RGS3: variants seen among roughly 807,000 people sequenced by gnomAD.
RGS3 encodes regulator of G protein signaling 3.
RGS3 carries 80 observed loss-of-function variants against 132.6 expected under a neutral mutation model. The observed-to-expected ratio is 0.60, with a 90% CI of 0.50 to 0.73. The LOEUF (loss-of-function observed/expected upper bound fraction) is 0.73. Ranked by LOEUF, RGS3 falls within the 30% of genes least tolerant of loss-of-function variation. The pLI is 0.00. For missense variants in RGS3, 1,382 were observed against 1,530.8 expected (o/e 0.90, Z 1.62); for synonymous variants, 598 against 620.6 (o/e 0.96, Z 0.54).
Position 113,579,332 on chromosome 9 carries a change from A to G in RGS3, c.2038-4118A>G, listed in dbSNP as rs937644773. ...GTGAACTCTGGGTGTCATAGCTGCC[A>G]TCCCTCCTTAGCCTATTCTGAGCTC... is the stretch of plus-strand genomic sequence containing the variant. On this transcript the variant is annotated intron_variant, in intron 19 of 24. Coordinates refer to ENST00000350696, the Ensembl canonical transcript of RGS3. The surrounding 1 kb of genome is among the most constrained non-coding windows in gnomAD (Gnocchi z 4.3). Among the ~76,000 whole-genome samples, 1 of 152,226 alleles carries G rather than the reference A, an allele frequency of 6.6e-6. No individual in the cohort carries two copies. Among genetic ancestry groups the G allele is most frequent in the African/African-American group, 2.4e-5 (1 of 41,452 alleles).
At chr9:113,444,892 T>G (rs1344416620) in exon 1 of RGS3, 1 of 152,236 alleles carries the variant, frequency 6.6e-6, no homozygotes, top group Non-Finnish European at 1.5e-5. Flanking sequence ...AACCCCTTGC[T>G]TCAGCCTCCC....
chr9:113,449,129 G>A (rs1829184093), intron 1 of RGS3, among the ~76,000 whole-genome samples: 1 of 152,182 alleles, frequency 6.6e-6, no homozygotes, highest in East Asian at 1.9e-4. Context: ...CTTAGAAAAT[G>A]CTAATCTAAT....
At position 113,593,913 on chromosome 9, in the gene RGS3, T is replaced by C. The variant is rs1419940919; in HGVS notation, c.3081-517T>C. On this transcript the variant is annotated intron_variant, in intron 21 of 24. Coordinates refer to ENST00000350696, the Ensembl canonical transcript of RGS3. The stretch of plus-strand genomic sequence containing the variant: ...CCCCCACCCCCCACCACTGTCTCCC[T>C]GCTGCCATGGTAACGAGGAGGCCAG... The C allele has an allele frequency of 3.9e-6, 6 of 1,557,300 alleles. No homozygotes were observed. The African/African-American group carries it at 8.2e-5, about 21-fold the overall frequency.
intron 19 of RGS3, among the ~76,000 whole-genome samples, chr9:113,553,439 T>C (rs1564562002): frequency 2.4e-4 from 1 of 4,086 alleles, no homozygotes; most frequent in East Asian, 0.17. Flanking sequence ...GGAAACTCTG[T>C]TTAAAAAAAA....
chr9:113,496,472 C>T (rs1296275624), intron 8 of RGS3, among the ~76,000 whole-genome samples: 4 of 152,118 alleles, frequency 2.6e-5, no homozygotes, highest in South Asian at 2.1e-4. Flanking sequence ...TGGCCTGCCA[C>T]GCAGATTTTT....
At chr9:113,548,681 C>A (rs996710305) in intron 19 of RGS3, among the ~76,000 whole-genome samples, 2 of 152,232 alleles carry the variant, frequency 1.3e-5, no homozygotes, top group Non-Finnish European at 2.9e-5. Context: ...CTCACACCCC[C>A]TCCTCATACA....
rs957195480 is a variant in RGS3 at position 113,494,220 on chromosome 9, T to C, written c.690-1566T>C. On this transcript the variant is annotated intron_variant, in intron 7 of 24. Transcript: ENST00000350696. The stretch of plus-strand genomic sequence containing the variant: ...AAGTATATTGATACTGTCTTTTTTT[T>C]TCTCCTGATTATAAAAACGATACTT... 3.3e-5 allele frequency among the ~76,000 whole-genome samples: 5 copies of C among 152,132 alleles called. No homozygotes were observed. In the South Asian group the frequency reaches 8.3e-4, roughly 25 times the overall value.
In RGS3 at chr9:113,475,295, C is replaced by T. The variant is rs531504571; in HGVS notation, c.416-4196C>T. Reference sequence around the variant, plus strand: ...CCTGTCCAAAGGCCCTGCCCAACCTCGATGAGGATGACTTCAAGCCCTTTA... The same window carrying T: ...CCTGTCCAAAGGCCCTGCCCAACCTTGATGAGGATGACTTCAAGCCCTTTA... On this transcript the variant is annotated intron_variant, in intron 3 of 24. Transcript: ENST00000350696. Among the ~76,000 whole-genome samples, 14 of 152,130 alleles carry T rather than the reference C, an allele frequency of 9.2e-5. No homozygotes were observed. The South Asian group carries it at 1.5e-3, about 16-fold the overall frequency.
intron 18 of RGS3, 166 bp from the exon 17 acceptor site, chr9:113,536,630 T>G: frequency 1.4e-6 from 2 of 1,464,306 alleles, no homozygotes; most frequent in Non-Finnish European, 1.8e-6. Context: ...CGCCTCTGGC[T>G]GCCTCAATGT....
At chr9:113,595,573 T>A (rs770287079) in intron 23 of RGS3, 26 bp from the exon 22 acceptor site, 11 of 1,609,238 alleles carry the variant, frequency 6.8e-6, no homozygotes, top group Non-Finnish European at 9.4e-6. Flanking sequence ...GTTTGCCTCT[T>A]ACCCCAGGAT....
Position 113,497,423 on chromosome 9 carries a change from C to T in RGS3, c.841+19C>T, listed in dbSNP as rs1039707494. 1 of 1,605,732 alleles carries T rather than the reference C, an allele frequency of 6.2e-7. No homozygotes were observed. The highest frequency in any genetic ancestry group is 8.5e-7 in the Non-Finnish European group (1 of 1,174,836). On this transcript the variant is annotated intron_variant, in intron 9 of 24. Transcript: ENST00000350696. ...CTGAGAGGTACCTGCACACCCCCTT[C>T]AGCTTCCCTTCCCAGGACCTGCCCC...
At chr9:113,544,046 A>G (rs189152474) in intron 19 of RGS3, among the ~76,000 whole-genome samples, 12 of 152,324 alleles carry the variant, frequency 7.9e-5, no homozygotes, top group Admixed American at 3.9e-4. Flanking sequence ...TGAACAAGCT[A>G]TGGAAATTGC....
At chr9:113,479,273 C>T in intron 3 of RGS3, 2 of 592,260 alleles carry the variant, frequency 3.4e-6, no homozygotes, top group Non-Finnish European at 6.1e-6. Flanking sequence ...ACAAGCAAGG[C>T]TAGAGAACCA....
Position 113,463,601 on chromosome 9 carries a change from C to T in RGS3, c.415+1400C>T, listed in dbSNP as rs1231593256. ...GCGGCGCCGCCTCCCCCACCCCGGC[C>T]CAGCTCTGCTCCGGCAGGTGGAACT... is the stretch of plus-strand genomic sequence containing the variant. On this transcript the variant is annotated intron_variant, in intron 3 of 24. Coordinates refer to ENST00000350696, the Ensembl canonical transcript of RGS3. The surrounding 1 kb of genome is among the most constrained non-coding windows in gnomAD (Gnocchi z 4.6). The T allele has an allele frequency of 9.2e-7, 1 of 1,082,322 alleles. No homozygotes were observed. Among genetic ancestry groups the T allele is most frequent in the Non-Finnish European group, 1.2e-6 (1 of 822,392 alleles). The allele number at this position is 1,082,322 out of a possible 1,614,324, so 67.0% of individuals were successfully genotyped here. A position where few individuals can be genotyped will look rare whatever the true frequency, so the allele number is the denominator to read the frequency against.
At chr9:113,516,679 A>T (rs558227590) in intron 15 of RGS3, among the ~76,000 whole-genome samples, 4 of 151,892 alleles carry the variant, frequency 2.6e-5, no homozygotes, top group Non-Finnish European at 5.9e-5. Flanking sequence ...TTTCATGTTC[A>T]TTTTAATATT....
intron 10 of RGS3, 100 bp from the exon 9 acceptor site, chr9:113,505,342 A>G (rs1831081133): frequency 1.0e-6 from 1 of 954,602 alleles, no homozygotes; most frequent in African/African-American, 1.6e-5. Context: ...CTTGGAGAGG[A>G]GGGTGGCTCT....
intron 7 of RGS3, 65 bp downstream of exon 5, chr9:113,485,758 C>G: frequency 8.5e-7 from 1 of 1,179,142 alleles, no homozygotes; most frequent in Non-Finnish European, 1.2e-6. Flanking sequence ...GCCAGGTGGC[C>G]AGCATACACC....
exon 20 of RGS3, chr9:113,583,460 C>T (rs199781930): frequency 2.2e-5 from 35 of 1,614,124 alleles, no homozygotes; most frequent in African/African-American, 2.7e-5. Flanking sequence ...ATGTTTGAGA[C>T]GGAGGCAGAT....
At chr9:113,486,200 G>A (rs1229450341) in intron 7 of RGS3, among the ~76,000 whole-genome samples, 4 of 152,354 alleles carry the variant, frequency 2.6e-5, no homozygotes, top group Non-Finnish European at 4.4e-5. Flanking sequence ...TGGGAAGAGG[G>A]AGAGTTCACT....
Sources: allele counts gnomAD v4.1 joint callset (sites outside exome capture counted in the v4.1 genomes callset), GRCh38; gene constraint gnomAD v4.1.1; non-coding constraint Gnocchi (gnomAD v3.1); transcripts MANE v1.5; gene names NCBI Gene and HGNC (gene_info 2026-07-23, HGNC 2026-07-21).